The following ART3 variants were observed in gnomAD, a reference collection of about 807,000 sequenced individuals.
ART3 encodes the protein ADP-ribosyltransferase 3 (inactive).
A neutral mutation model predicts 48.5 loss-of-function variants in ART3; 49 were observed. The observed-to-expected ratio is 1.01, with a 90% CI of 0.80 to 1.28. The LOEUF (loss-of-function observed/expected upper bound fraction) is 1.28, where lower values mean the gene tolerates loss of function less well. Ranked by LOEUF, ART3 falls within the 50% of genes most tolerant of loss-of-function variation. The pLI, the probability that ART3 is intolerant of heterozygous loss-of-function variation, is 0.00. For missense variants in ART3, 438 were observed against 454.3 expected (o/e 0.96, Z 0.33); for synonymous variants, 145 against 157.2 (o/e 0.92, Z 0.58).
chr4:76,019,511 C>G (rs192306345), intron 1 of ART3, among the ~76,000 whole-genome samples: 149 of 3,176 alleles, frequency 0.047, 1 homozygote, highest in African/African-American at 0.17. Context: ...CCCTGTAATC[C>G]CAGTTGAGAT....
intron 8 of ART3, 93 bp from the exon 9 acceptor site, chr4:76,103,843 GA>G: frequency 3.3e-6 from 2 of 606,566 alleles, no homozygotes; most frequent in South Asian, 4.2e-5. Context: ...TTTTTTTTTT[GA>G]AAGTTGGAAA....
chr4:76,045,539 A>T (rs1018748918), intron 1 of ART3, among the ~76,000 whole-genome samples: 1 of 151,956 alleles, frequency 6.6e-6, no homozygotes, highest in Admixed American at 6.6e-5. Flanking sequence ...TGGCTACTAC[A>T]TCAATTTCCT....
chr4:76,082,921 A>G (rs546265191), intron 3 of ART3, among the ~76,000 whole-genome samples: 1 of 151,410 alleles, frequency 6.6e-6, no homozygotes, highest in Non-Finnish European at 1.5e-5. Flanking sequence ...ACAAAGAATT[A>G]TATGGCCCAA....
chr4:76,016,424 GTCTC>G (rs996100994), intron 1 of ART3, among the ~76,000 whole-genome samples: 10 of 152,126 alleles, frequency 6.6e-5, no homozygotes, highest in African/African-American at 2.4e-4. Flanking sequence ...AACAAATGAA[GTCTC>G]TCTCTCTGTG....
At chr4:76,087,215 A>G (rs1020709274) in intron 3 of ART3, among the ~76,000 whole-genome samples, 5 of 152,202 alleles carry the variant, frequency 3.3e-5, no homozygotes, top group Admixed American at 2.6e-4. Context: ...AAGAGGTTCT[A>G]TTGGATTGAT....
At chr4:76,107,139 A>G (rs950182725) in intron 10 of ART3, 3 of 152,186 alleles carry the variant, frequency 2.0e-5, no homozygotes, top group African/African-American at 7.2e-5. Context: ...AGGTTAAGCC[A>G]TGATGTTCTG....
chr4:76,056,051 AGAGGAAACAGAAAGGACAGAGAAG>A (rs1476507082), intron 1 of ART3, among the ~76,000 whole-genome samples: 1 of 152,218 alleles, frequency 6.6e-6, no homozygotes, highest in Non-Finnish European at 1.5e-5. Context: ...GTGACCTTCC[AGAGGAAACAGAAAGGACAGAGAAG>A]GAGGCAACGA....
At chr4:76,064,281 C>T (rs1719501586) in intron 1 of ART3, among the ~76,000 whole-genome samples, 1 of 151,856 alleles carries the variant, frequency 6.6e-6, no homozygotes, top group Non-Finnish European at 1.5e-5. Context: ...ACCATCACCA[C>T]CAAAAAAGGC....
At chr4:76,109,160 A>G (rs1204115817) in intron 11 of ART3, among the ~76,000 whole-genome samples, 4 of 152,238 alleles carry the variant, frequency 2.6e-5, no homozygotes, top group African/African-American at 4.8e-5. Context: ...CTCTTTTGTA[A>G]TAACACTTAG....
At position 76,102,384 on chromosome 4, in the gene ART3, T is replaced by A. The variant is rs529461576; in HGVS notation, c.937+1365T>A. ...GTTTAGATGATGTGGAACTTTAGCA[T>A]GGGTGACTCCATTTCGATTTTTAGT... is the stretch of plus-strand genomic sequence containing the variant. On this transcript the variant is annotated intron_variant, in intron 8 of 11. Transcript: ENST00000355810. 3.9e-5 allele frequency among the ~76,000 whole-genome samples: 6 copies of A among 152,338 alleles called. No individual in the cohort carries two copies. In the South Asian group the frequency reaches 6.2e-4, roughly 16 times the overall value.
rs1398546908 is a variant in ART3 at position 76,103,959 on chromosome 4, C to A, written c.960C>A (p.Thr320=). ...EDHGVKILEP[T]QIPGMKIPEP... ...TAGGTGTGAAAATCCTTGAACCCAC[C>A]CAAATACCTGGTAAGACAGCTTTCT... Residue 320 remains threonine (T), a synonymous_variant, in exon 9 of 12, where the codon ACC becomes ACA. Coordinates refer to ENST00000355810, the MANE Select transcript of ART3 (RefSeq NM_001130016.3). 6.2e-7 allele frequency: 1 copy of A among 1,613,426 alleles called. No individual in the cohort carries two copies. The highest frequency in any genetic ancestry group is 8.5e-7 in the Non-Finnish European group (1 of 1,179,668).
At chr4:76,031,288 C>T (rs1225395381) in intron 1 of ART3, among the ~76,000 whole-genome samples, 1 of 151,872 alleles carries the variant, frequency 6.6e-6, no homozygotes, top group East Asian at 1.9e-4. Flanking sequence ...GTTTACTTTT[C>T]ATGTAAATGT....
At chr4:76,088,421 A>T (rs1724090331) in intron 3 of ART3, among the ~76,000 whole-genome samples, 1 of 151,550 alleles carries the variant, frequency 6.6e-6, no homozygotes, top group Admixed American at 6.6e-5. Flanking sequence ...GAGCCTGTAG[A>T]CTCCAGTGGC....
Position 76,035,939 on chromosome 4 carries a change from T to C in ART3, c.-10+24619T>C, listed in dbSNP as rs776540552. The stretch of plus-strand genomic sequence containing the variant: ...AATTACTGCATACCTTGAACAACTG[T>C]AGCACACAATATCACAGCCAAGGCT... On this transcript the variant is annotated intron_variant, in intron 1 of 9. Transcript: ENST00000341029. 55 of 1,613,702 alleles carry C rather than the reference T, an allele frequency of 3.4e-5. No individual in the cohort carries two copies. The highest frequency in any genetic ancestry group is 4.6e-5 in the Non-Finnish European group (54 of 1,179,844).
In ART3 at chr4:76,095,695, C is replaced by T. The variant is rs905795677; in HGVS notation, c.782-1949C>T. Among the ~76,000 whole-genome samples, 9 of 152,144 alleles carry T rather than the reference C, an allele frequency of 5.9e-5. No homozygotes were observed. The East Asian group carries it at 1.7e-3, about 29-fold the overall frequency. On this transcript the variant is annotated intron_variant, in intron 3 of 11. Coordinates refer to ENST00000355810, the MANE Select transcript of ART3 (RefSeq NM_001130016.3). ...CTGGAATTTGCCTTTTTAATAAGCA[C>T]CCAGGTGATTCTGAAGTATGTGGCT...
At chr4:76,091,611 G>A (rs1724906330) in intron 3 of ART3, among the ~76,000 whole-genome samples, 1 of 149,808 alleles carries the variant, frequency 6.7e-6, no homozygotes, top group South Asian at 2.1e-4. Context: ...AATTATTTAT[G>A]TATTGTAGGT....
chr4:76,041,487 A>G (rs1310966467), intron 1 of ART3: 1 of 152,154 alleles, frequency 6.6e-6, no homozygotes, highest in African/African-American at 2.4e-5. Context: ...TGTCTTTTCT[A>G]ACTTTATCCA....
In ART3 at chr4:76,082,078, A is replaced by G. The variant is rs765299855; in HGVS notation, c.324A>G (p.Gln108=). 1.9e-6 allele frequency: 3 copies of G among 1,614,244 alleles called. No homozygotes were observed. Among genetic ancestry groups the G allele is most frequent in the Non-Finnish European group, 2.5e-6 (3 of 1,180,044 alleles). ...CATATATTTCCGAAGCTCAAGAGCAAACTCCCTTTTACCATCTGTTCAGTG... is the reference window on the plus strand; with the variant it reads ...CATATATTTCCGAAGCTCAAGAGCAGACTCCCTTTTACCATCTGTTCAGTG... The part of the protein sequence containing the change: ...LMAYISEAQE[Q]TPFYHLFSEA... Residue 108 remains glutamine, a synonymous_variant, in exon 3 of 12, where the codon CAA becomes CAG. Transcript: ENST00000355810.
chr4:76,100,919 G>T (rs1249142897), intron 7 of ART3, 71 bp from the exon 8 acceptor site: 26 of 1,602,734 alleles, frequency 1.6e-5, no homozygotes, highest in Non-Finnish European at 2.0e-5. Flanking sequence ...AAATAATTTT[G>T]CTGTAGCTAT....
Sources: allele counts gnomAD v4.1 joint callset (sites outside exome capture counted in the v4.1 genomes callset), GRCh38; gene constraint gnomAD v4.1.1; transcripts MANE v1.5; gene names NCBI Gene and HGNC (gene_info 2026-07-23, HGNC 2026-07-21).